Variants in PIBF1 observed in about 807,000 individuals in gnomAD.
PIBF1 encodes progesterone immunomodulatory binding factor 1.
A neutral mutation model predicts 112.5 loss-of-function variants in PIBF1; 90 were observed. That is an observed-to-expected ratio of 0.80 (90% CI 0.67 to 0.95). PIBF1 has a LOEUF of 0.95. Among genes scored for constraint, PIBF1 ranks in the 40% least tolerant of loss-of-function variants. The probability of loss-of-function intolerance (pLI) is 0.00; values close to 1 mark genes in which losing one functional copy is unlikely to be tolerated. For missense variants in PIBF1, 915 were observed against 852.3 expected (o/e 1.07, Z -0.92); for synonymous variants, 301 against 288.6 (o/e 1.04, Z -0.44).
chr13:72,858,431 A>ATACCACC (rs1265189916), intron 10 of PIBF1, among the ~76,000 whole-genome samples: 3 of 152,200 alleles, frequency 2.0e-5, no homozygotes, highest in Admixed American at 2.0e-4. Context: ...AATGCTATAT[A>ATACCACC]TACCACCTTA....
intron 4 of PIBF1, among the ~76,000 whole-genome samples, chr13:72,796,186 A>G (rs574485276): frequency 2.8e-4 from 42 of 152,158 alleles, no homozygotes; most frequent in Non-Finnish European, 4.7e-4. Flanking sequence ...TGATAATGTC[A>G]TATGTCATGT....
At position 72,857,001 on chromosome 13, in the gene PIBF1, A is replaced by AACT. The variant is rs530380654; in HGVS notation, c.1322+2848_1322+2850dup. Reference sequence around the variant, plus strand: ...CAATTTTGGGGTAGTGTACATAGAGAACTAATTTTATTTTTCATGAAAATG... The same window carrying AACT: ...CAATTTTGGGGTAGTGTACATAGAGAACTACTAATTTTATTTTTCATGAAAATG... On this transcript the variant is annotated intron_variant, in intron 10 of 17. Transcript: ENST00000326291. Among the ~76,000 whole-genome samples, 32 of 152,296 alleles carry AACT rather than the reference A, an allele frequency of 2.1e-4. 2 individuals carry two copies. In the South Asian group the frequency reaches 6.6e-3, roughly 32 times the overall value.
At chr13:72,993,677 C>T (rs950688870) in intron 16 of PIBF1, among the ~76,000 whole-genome samples, 1 of 144,216 alleles carries the variant, frequency 6.9e-6, no homozygotes, top group Non-Finnish European at 1.5e-5. Flanking sequence ...ACCCAGGAGG[C>T]AGAGCTTGCA....
At chr13:72,995,253 A>T (rs2043610958) in intron 16 of PIBF1, among the ~76,000 whole-genome samples, 1 of 150,432 alleles carries the variant, frequency 6.6e-6, no homozygotes, top group South Asian at 2.1e-4. Flanking sequence ...GTGAGCCGAG[A>T]TCACACCACT....
At chr13:72,931,075 G>T in intron 13 of PIBF1, 90 bp from the exon 14 acceptor site, 2 of 716,502 alleles carry the variant, frequency 2.8e-6, no homozygotes, top group South Asian at 1.7e-5. Flanking sequence ...ATTAGGAAAT[G>T]ATGTCTATTT....
chr13:72,964,174 A>T (rs779555651), intron 14 of PIBF1, among the ~76,000 whole-genome samples: 1 of 152,284 alleles, frequency 6.6e-6, no homozygotes, highest in Non-Finnish European at 1.5e-5. Flanking sequence ...AAGTTCTGAT[A>T]CATGATACAA....
chr13:72,930,735 T>C (rs1049020107), intron 13 of PIBF1, among the ~76,000 whole-genome samples: 2 of 152,222 alleles, frequency 1.3e-5, no homozygotes, highest in South Asian at 4.1e-4. Flanking sequence ...TTATGTTGTT[T>C]AAAGTAAACT....
chr13:72,827,163 A>G, intron 7 of PIBF1, 45 bp downstream of exon 7: 1 of 928,964 alleles, frequency 1.1e-6, no homozygotes, highest in Non-Finnish European at 1.6e-6. Flanking sequence ...GCATAGTATT[A>G]GTGAAAAAAA....
chr13:72,839,560 G>T (rs1446912723), intron 9 of PIBF1, among the ~76,000 whole-genome samples: 1 of 152,080 alleles, frequency 6.6e-6, no homozygotes, highest in Non-Finnish European at 1.5e-5. Flanking sequence ...AAGTACTGTT[G>T]GTTCTGTGGT....
At chr13:72,908,737 C>T (rs550201848) in intron 12 of PIBF1, 56 bp downstream of exon 12, 153 of 1,475,956 alleles carry the variant, frequency 1.0e-4, no homozygotes, top group Non-Finnish European at 1.3e-4. Context: ...CAACAAAAGA[C>T]GCCTGACCTT....
intron 9 of PIBF1, among the ~76,000 whole-genome samples, chr13:72,841,716 G>A (rs1305170585): frequency 6.6e-6 from 1 of 152,110 alleles, no homozygotes; most frequent in African/African-American, 2.4e-5. Flanking sequence ...GCTGCACTGA[G>A]CCAAGATCAT....
chr13:72,992,900 G>A (rs2139007928), intron 16 of PIBF1, among the ~76,000 whole-genome samples: 1 of 151,994 alleles, frequency 6.6e-6, no homozygotes, highest in Admixed American at 6.6e-5. Context: ...ATCAGAAACT[G>A]GAAGAAAAAG....
At chr13:72,884,907 T>TTA (rs1222460917) in intron 10 of PIBF1, among the ~76,000 whole-genome samples, 6 of 152,138 alleles carry the variant, frequency 3.9e-5, no homozygotes, top group Non-Finnish European at 5.9e-5. Flanking sequence ...GATTTAGTTC[T>TTA]TATTATGTGA....
At position 72,998,962 on chromosome 13, in the gene PIBF1, AG is replaced by A. The variant is rs1566534865; in HGVS notation, c.2191del (p.Asp731ThrfsTer25). 6.2e-7 allele frequency: 1 copy of A among 1,609,184 alleles called. No homozygotes were observed. The highest frequency in any genetic ancestry group is 1.3e-5 in the African/African-American group (1 of 74,912). Reference sequence around the variant, plus strand: ...CTTTGAATGTGCCTAAAGAGCATGAAGACAATATATTTACACCTAAACCAAC... The same window carrying A: ...CTTTGAATGTGCCTAAAGAGCATGAAACAATATATTTACACCTAAACCAAC... ...KTLNVPKEHE[D>X]NIFTPKPTLF... On this transcript the variant is annotated frameshift_variant, in exon 17 of 18. Transcript: ENST00000326291. LOFTEE classifies it high-confidence loss of function.
At chr13:72,785,728 T>C (rs952536169) in intron 2 of PIBF1, among the ~76,000 whole-genome samples, 2 of 152,334 alleles carry the variant, frequency 1.3e-5, no homozygotes, top group East Asian at 1.9e-4. Context: ...GTGCAACTCA[T>C]TGAAGAAACC....
chr13:72,919,085 G>A (rs2041205058), intron 13 of PIBF1, among the ~76,000 whole-genome samples: 1 of 152,146 alleles, frequency 6.6e-6, no homozygotes, highest in Admixed American at 6.6e-5. Flanking sequence ...TTCTTCATCA[G>A]AGCGTTTGAG....
At chr13:72,916,636 A>G (rs2041106827) in intron 12 of PIBF1, among the ~76,000 whole-genome samples, 1 of 152,042 alleles carries the variant, frequency 6.6e-6, no homozygotes, top group African/African-American at 2.4e-5. Context: ...ACATAAGTAC[A>G]TAATTTTATT....
At chr13:73,012,121 G>A (rs2044221447) in intron 17 of PIBF1, among the ~76,000 whole-genome samples, 1 of 152,156 alleles carries the variant, frequency 6.6e-6, no homozygotes, top group Non-Finnish European at 1.5e-5. Flanking sequence ...GGAGGCCGAG[G>A]CGAGCAGATC....
At chr13:72,962,110 CAT>C (rs1321187161) in intron 14 of PIBF1, among the ~76,000 whole-genome samples, 2 of 151,954 alleles carry the variant, frequency 1.3e-5, no homozygotes, top group Non-Finnish European at 2.9e-5. Flanking sequence ...TATTACTATA[CAT>C]AGTGTAAATT....
Sources: gnomAD v4.1 joint callset for allele counts (sites outside exome capture counted in the v4.1 genomes callset) on GRCh38, gnomAD v4.1.1 for gene constraint, MANE v1.5 for transcripts, NCBI Gene and HGNC (gene_info 2026-07-23, HGNC 2026-07-21) for gene names.